Variants in SORBS2 observed in about 807,000 individuals in gnomAD.
SORBS2 encodes the protein sorbin and SH3 domain containing 2.
A neutral mutation model predicts 97.7 loss-of-function variants in SORBS2; 46 were observed. The ratio of observed to expected loss-of-function variants is 0.47; its 90% CI spans 0.37 to 0.60. SORBS2 has a LOEUF of 0.60. Among genes scored for constraint, SORBS2 ranks in the 20% least tolerant of loss-of-function variants. SORBS2 has a pLI of 0.00. For missense variants in SORBS2, 1,316 were observed against 1,282.3 expected (o/e 1.03, Z -0.40); for synonymous variants, 476 against 473.4 (o/e 1.01, Z -0.07).
intron 1 of SORBS2, among the ~76,000 whole-genome samples, chr4:185,835,651 GATT>G (rs1158482770): frequency 8.1e-6 from 1 of 123,710 alleles, no homozygotes; most frequent in African/African-American, 3.1e-5. Context: ...ATTTTGAAAG[GATT>G]TTTTTTTTTT....
At chr4:185,733,937 A>G (rs1218268206) in intron 2 of SORBS2, 162 bp downstream of exon 3, 1 of 152,378 alleles carries the variant, frequency 6.6e-6, no homozygotes, top group Non-Finnish European at 1.5e-5. Flanking sequence ...CGTGAACGTC[A>G]AGGAGATGTC....
At chr4:185,835,848 C>T (rs530785387) in intron 1 of SORBS2, among the ~76,000 whole-genome samples, 2 of 152,012 alleles carry the variant, frequency 1.3e-5, no homozygotes, top group Admixed American at 6.6e-5. Context: ...AGGCTCAACC[C>T]GGCCTGTTTC....
chr4:185,714,757 A>G (rs1216317848), intron 2 of SORBS2, among the ~76,000 whole-genome samples: 1 of 152,182 alleles, frequency 6.6e-6, no homozygotes, highest in Non-Finnish European at 1.5e-5. Flanking sequence ...GATCTCGTAG[A>G]TGTATTCACT....
chr4:185,903,195 G>GCACTAT (rs2099248663), intron 1 of SORBS2, among the ~76,000 whole-genome samples: 1 of 152,104 alleles, frequency 6.6e-6, no homozygotes, highest in Non-Finnish European at 1.5e-5. Context: ...GATTTTGGGG[G>GCACTAT]GGCATGCCAT....
intron 1 of SORBS2, among the ~76,000 whole-genome samples, chr4:185,793,796 A>G (rs755030677): frequency 6.6e-6 from 1 of 152,178 alleles, no homozygotes; most frequent in Non-Finnish European, 1.5e-5. Context: ...AAATTACTTC[A>G]TATAAGAGAA....
chr4:185,764,563 C>G (rs951214493), intron 2 of SORBS2, among the ~76,000 whole-genome samples: 2 of 152,154 alleles, frequency 1.3e-5, no homozygotes, highest in Non-Finnish European at 2.9e-5. Context: ...ATAGGCCAAA[C>G]ATTATACTAT....
intron 1 of SORBS2, among the ~76,000 whole-genome samples, chr4:185,948,214 G>A (rs943972816): frequency 6.6e-6 from 1 of 152,084 alleles, no homozygotes; most frequent in African/African-American, 2.4e-5. Context: ...TCTCCAATCT[G>A]CAGCAGACCA....
chr4:185,878,851 C>T (rs909362505), intron 1 of SORBS2, among the ~76,000 whole-genome samples: 5 of 152,170 alleles, frequency 3.3e-5, no homozygotes, highest in East Asian at 1.9e-4. Context: ...GCAGCGTCCC[C>T]GTCCACCCTC....
chr4:185,943,241 C>A (rs1055811847), intron 1 of SORBS2, among the ~76,000 whole-genome samples: 1 of 152,148 alleles, frequency 6.6e-6, no homozygotes, highest in Non-Finnish European at 1.5e-5. Context: ...TAGTTATGGA[C>A]AAATAGGATA....
intron 1 of SORBS2, among the ~76,000 whole-genome samples, chr4:185,859,549 C>T (rs1319214374): frequency 6.6e-6 from 1 of 152,196 alleles, no homozygotes; most frequent in Non-Finnish European, 1.5e-5. Context: ...TCCTGACTCC[C>T]TCATTCTCAT....
At chr4:185,664,625 G>T (rs1313755720) in intron 4 of SORBS2, among the ~76,000 whole-genome samples, 1 of 152,182 alleles carries the variant, frequency 6.6e-6, no homozygotes, top group African/African-American at 2.4e-5. Context: ...GCCAGTCTCT[G>T]AATGGAGCAT....
intron 1 of SORBS2, among the ~76,000 whole-genome samples, chr4:185,818,177 T>C (rs918147780): frequency 6.6e-6 from 1 of 152,154 alleles, no homozygotes; most frequent in African/African-American, 2.4e-5. Context: ...CAGAATTCAG[T>C]GCCTATGTGT....
chr4:185,926,579 A>G (rs2099263837), intron 1 of SORBS2, among the ~76,000 whole-genome samples: 1 of 151,476 alleles, frequency 6.6e-6, no homozygotes, highest in Non-Finnish European at 1.5e-5. Flanking sequence ...GGCAATGTAG[A>G]ATTCTATTAT....
At chr4:185,645,420 T>A (rs1028206092) in intron 4 of SORBS2, among the ~76,000 whole-genome samples, 3 of 152,208 alleles carry the variant, frequency 2.0e-5, no homozygotes, top group Non-Finnish European at 4.4e-5. Context: ...TCAGTTTTTC[T>A]TTTGTAGTCC....
At chr4:185,904,658 C>G (rs28461494) in intron 1 of SORBS2, among the ~76,000 whole-genome samples, 8,504 of 152,160 alleles carry the variant, frequency 0.056, 680 homozygotes, top group African/African-American at 0.17. Flanking sequence ...GTGAGGCAAC[C>G]GTACATCTGA....
chr4:185,768,698 C>CAAAAAAAAAAAAAAAA (rs1207578871), intron 2 of SORBS2, among the ~76,000 whole-genome samples: 1 of 84,780 alleles, frequency 1.2e-5, no homozygotes, highest in Non-Finnish European at 2.4e-5. Flanking sequence ...GACTCTGTCT[C>CAAAAAAAAAAAAAAAA]AAAAAAAAAA....
chr4:185,955,439 A>G (rs1233866731), intron 1 of SORBS2, among the ~76,000 whole-genome samples: 1 of 152,182 alleles, frequency 6.6e-6, no homozygotes, highest in Admixed American at 6.5e-5. Flanking sequence ...TATTCCTTCT[A>G]ACAGATAATT....
At chr4:185,831,144 C>A (rs1333671920) in intron 1 of SORBS2, among the ~76,000 whole-genome samples, 1 of 152,144 alleles carries the variant, frequency 6.6e-6, no homozygotes, top group Admixed American at 6.5e-5. Context: ...AAAATGGACC[C>A]AACATGGTCA....
chr4:185,953,390 C>A (rs2150033817), intron 1 of SORBS2, among the ~76,000 whole-genome samples: 1 of 152,334 alleles, frequency 6.6e-6, no homozygotes. Context: ...TCCTCTCTCA[C>A]TGGCATCATT....
Sources: gnomAD v4.1 joint callset for allele counts (sites outside exome capture counted in the v4.1 genomes callset) on GRCh38, gnomAD v4.1.1 for gene constraint, MANE v1.5 for transcripts, NCBI Gene and HGNC (gene_info 2026-07-23, HGNC 2026-07-21) for gene names.